RRAS2: variants seen among roughly 807,000 people sequenced by gnomAD.
RRAS2 encodes the protein ras-related protein R-Ras2.
A neutral mutation model predicts 27.6 loss-of-function variants in RRAS2; 7 were observed. The ratio of observed to expected loss-of-function variants is 0.25; its 90% confidence interval spans 0.14 to 0.48. The LOEUF (loss-of-function observed/expected upper bound fraction) is 0.48, where lower values mean the gene tolerates loss of function less well. Among genes scored for constraint, RRAS2 ranks in the 20% least tolerant of loss-of-function variants. The probability of loss-of-function intolerance (pLI) is 0.99; values close to 1 mark genes in which losing one functional copy is unlikely to be tolerated. For synonymous variants in RRAS2, 86 were observed against 90.9 expected, an observed-to-expected ratio of 0.95 and a Z score of 0.31; for missense variants, 178 against 256.2, an observed-to-expected ratio of 0.69 and a Z score of 2.08.
chr11:14,285,120 C>CATT (rs2133947838), intron 4 of RRAS2, among the ~76,000 whole-genome samples: 1 of 152,272 alleles, frequency 6.6e-6, no homozygotes, highest in East Asian at 1.9e-4. Context: ...TTTATGATTG[C>CATT]ATTTTACCTC....
At position 14,358,152 on chromosome 11, in the gene RRAS2, G is replaced by A; in HGVS notation, c.108+611C>T. The A allele has an allele frequency of 1.1e-6, 1 of 893,502 alleles. No homozygotes were observed. The highest frequency in any genetic ancestry group is 1.3e-6 in the Non-Finnish European group (1 of 746,132). The allele number at this position is 893,502 out of a possible 1,614,324, so 55.3% of individuals were successfully genotyped here. A position where few individuals can be genotyped will look rare whatever the true frequency, so the allele number is the denominator to read the frequency against. ...AGAGAACATTTTTAACTTCCTAGAAGCCACCATTTCCCCGGGGCATTATCA... is the reference window on the plus strand; with the variant it reads ...AGAGAACATTTTTAACTTCCTAGAAACCACCATTTCCCCGGGGCATTATCA... On this transcript the variant is annotated intron_variant, in intron 1 of 5. Transcript: ENST00000256196. This position sits in a 1 kb window ranked among gnomAD's most constrained non-coding sequence, Gnocchi z 5.1.
chr11:14,296,667 C>T (rs782101223), intron 1 of RRAS2, among the ~76,000 whole-genome samples: 1 of 152,166 alleles, frequency 6.6e-6, no homozygotes, highest in Non-Finnish European at 1.5e-5. Flanking sequence ...TTTCAACTGC[C>T]TTATGTACTA....
At chr11:14,293,162 T>TATATATATATATATATATATATATATATA in intron 4 of RRAS2, among the ~76,000 whole-genome samples, 1 of 128,100 alleles carries the variant, frequency 7.8e-6, no homozygotes, top group Admixed American at 7.9e-5. Context: ...TATATATATA[T>TATATATATATATATATATATATATATATA]CATTTTCTCT....
At chr11:14,289,803 G>C (rs1343320934) in intron 4 of RRAS2, among the ~76,000 whole-genome samples, 4 of 152,158 alleles carry the variant, frequency 2.6e-5, no homozygotes, top group East Asian at 1.9e-4. Flanking sequence ...CCTGAACCCT[G>C]GTGGGGTTCA....
At chr11:14,291,035 G>T (rs1412753257) in intron 4 of RRAS2, among the ~76,000 whole-genome samples, 2 of 152,214 alleles carry the variant, frequency 1.3e-5, no homozygotes, top group Non-Finnish European at 2.9e-5. Flanking sequence ...TGGTGGAGAA[G>T]TTGATCATAG....
At chr11:14,323,669 CCAAGT>C (rs1191110292) in intron 1 of RRAS2, among the ~76,000 whole-genome samples, 9 of 152,074 alleles carry the variant, frequency 5.9e-5, no homozygotes, top group African/African-American at 2.2e-4. Context: ...AATACACCCC[CCAAGT>C]CATTTTATGA....
At chr11:14,346,755 T>C (rs1554954107) in intron 1 of RRAS2, among the ~76,000 whole-genome samples, 1 of 152,236 alleles carries the variant, frequency 6.6e-6, no homozygotes, top group Non-Finnish European at 1.5e-5. Flanking sequence ...ATGACAACTA[T>C]GTGACATAGT....
chr11:14,287,623 A>G (rs1263191497), intron 4 of RRAS2, among the ~76,000 whole-genome samples: 2 of 152,020 alleles, frequency 1.3e-5, no homozygotes, highest in Non-Finnish European at 2.9e-5. Flanking sequence ...TGTAATCCAA[A>G]CACTTTGGGA....
chr11:14,359,121 C>A lies in RRAS2; in HGVS notation c.-251G>T. 9.5e-7 allele frequency: 1 copy of A among 1,049,448 alleles called. No homozygotes were observed. The highest frequency in any genetic ancestry group is 1.1e-6 in the Non-Finnish European group (1 of 872,468). 65.0% of individuals were successfully genotyped at this position (1,049,448 alleles called of 1,614,324 possible). On this transcript the variant is annotated 5_prime_UTR_variant, in exon 1 of 6. Coordinates refer to ENST00000256196, the MANE Select transcript of RRAS2 (RefSeq NM_012250.6). Reference sequence around the variant, plus strand: ...GGCGGCAGCGGCCGGGGGGCGCGCTCCTCTACGCGTCTCCGCAGCGCCTGC... The same window carrying A: ...GGCGGCAGCGGCCGGGGGGCGCGCTACTCTACGCGTCTCCGCAGCGCCTGC...
chr11:14,335,158 T>C (rs1848565385), intron 1 of RRAS2, among the ~76,000 whole-genome samples: 1 of 152,236 alleles, frequency 6.6e-6, no homozygotes, highest in African/African-American at 2.4e-5. Flanking sequence ...TCTCTAGTTC[T>C]CCAGTGGGTT....
At chr11:14,282,202 G>A (rs1554944428) in intron 4 of RRAS2, among the ~76,000 whole-genome samples, 1 of 152,172 alleles carries the variant, frequency 6.6e-6, no homozygotes, top group Non-Finnish European at 1.5e-5. Flanking sequence ...ACTAAAAGAA[G>A]CGTCACATAG....
At chr11:14,316,697 C>T (rs571525037) in intron 1 of RRAS2, among the ~76,000 whole-genome samples, 3 of 152,290 alleles carry the variant, frequency 2.0e-5, no homozygotes, top group Non-Finnish European at 4.4e-5. Context: ...GAGCTATGAT[C>T]GCACCACTGC....
intron 1 of RRAS2, among the ~76,000 whole-genome samples, chr11:14,310,516 G>A (rs1554948724): frequency 1.3e-5 from 2 of 152,098 alleles, no homozygotes; most frequent in African/African-American, 2.4e-5. Flanking sequence ...GCCAAGAGAA[G>A]AAAATAATTT....
At chr11:14,331,958 G>C (rs550669197) in intron 1 of RRAS2, among the ~76,000 whole-genome samples, 26 of 152,116 alleles carry the variant, frequency 1.7e-4, no homozygotes, top group Non-Finnish European at 3.4e-4. Context: ...ATCATTAGTC[G>C]TCAAGGAAAA....
At chr11:14,301,552 G>C (rs1027587443) in intron 1 of RRAS2, among the ~76,000 whole-genome samples, 2 of 152,180 alleles carry the variant, frequency 1.3e-5, no homozygotes, top group Non-Finnish European at 2.9e-5. Flanking sequence ...CATGAGGGCA[G>C]GGACTTTGTC....
chr11:14,362,081 C>T (rs1245931287), upstream of RRAS2, among the ~76,000 whole-genome samples: 2 of 152,136 alleles, frequency 1.3e-5, no homozygotes, highest in African/African-American at 4.8e-5. Context: ...TGCAGGATTA[C>T]AGCAACCAAT....
At chr11:14,309,930 G>T (rs909580538) in intron 1 of RRAS2, among the ~76,000 whole-genome samples, 1 of 152,220 alleles carries the variant, frequency 6.6e-6, no homozygotes, top group Non-Finnish European at 1.5e-5. Flanking sequence ...GCTGCAGTCA[G>T]AAGACTGGAT....
chr11:14,341,770 T>C, intron 1 of RRAS2: 1 of 452,240 alleles, frequency 2.2e-6, no homozygotes, highest in South Asian at 1.6e-5. Flanking sequence ...ATAAAATACC[T>C]CAGAAAATGT....
intron 1 of RRAS2, among the ~76,000 whole-genome samples, chr11:14,314,894 C>A (rs1848061816): frequency 6.6e-6 from 1 of 152,084 alleles, no homozygotes; most frequent in Non-Finnish European, 1.5e-5. Context: ...ACCATGTTGG[C>A]CAGGCTGGTC....
Sources: allele counts gnomAD v4.1 joint callset (sites outside exome capture counted in the v4.1 genomes callset), GRCh38; gene constraint gnomAD v4.1.1; non-coding constraint Gnocchi (gnomAD v3.1); transcripts MANE v1.5; gene names NCBI Gene and HGNC (gene_info 2026-07-23, HGNC 2026-07-21).